Variants in CALCRL observed in about 807,000 individuals in gnomAD.
The protein encoded by CALCRL is calcitonin gene-related peptide type 1 receptor.
A neutral mutation model predicts 60.4 loss-of-function variants in CALCRL; 27 were observed. The observed-to-expected ratio is 0.45, with a 90% CI of 0.33 to 0.62. The LOEUF (loss-of-function observed/expected upper bound fraction) is 0.62, where lower values mean the gene tolerates loss of function less well. Among genes scored for constraint, CALCRL ranks in the 20% least tolerant of loss-of-function variants. The pLI is 0.03. For missense variants in CALCRL, 424 were observed against 540.7 expected, an observed-to-expected ratio of 0.78 and a Z score of 2.14; for synonymous variants, 190 against 182.6, an observed-to-expected ratio of 1.04 and a Z score of -0.33.
At chr2:187,392,027 TAATC>T (rs1457261167) in intron 1 of CALCRL, among the ~76,000 whole-genome samples, 2 of 152,116 alleles carry the variant, frequency 1.3e-5, no homozygotes, top group African/African-American at 4.8e-5. Context: ...CAATGTGACT[TAATC>T]AATATTTATA....
intron 7 of CALCRL, among the ~76,000 whole-genome samples, chr2:187,379,432 TTTA>T (rs1195396621): frequency 2.0e-5 from 3 of 152,126 alleles, no homozygotes; most frequent in Admixed American, 1.3e-4. Flanking sequence ...CAGATAAAGG[TTTA>T]TTTTCAAACT....
At chr2:187,380,397 A>G in intron 7 of CALCRL, 70 bp downstream of exon 7, 1 of 805,654 alleles carries the variant, frequency 1.2e-6, no homozygotes, top group Admixed American at 2.1e-5. Flanking sequence ...TTTCTTTAAT[A>G]CAGTATTGGA....
intron 4 of CALCRL, among the ~76,000 whole-genome samples, chr2:187,385,107 CAA>C (rs1688151611): frequency 6.6e-6 from 1 of 152,244 alleles, no homozygotes; most frequent in African/African-American, 2.4e-5. Flanking sequence ...TAATTTAAAA[CAA>C]AGTGTATGGT....
At position 187,346,344 on chromosome 2, in the gene CALCRL, C is replaced by G; in HGVS notation, c.1226G>C (p.Ser409Thr). 6.2e-7 allele frequency: 1 copy of G among 1,612,354 alleles called. No homozygotes were observed. The highest frequency in any genetic ancestry group is 8.5e-7 in the Non-Finnish European group (1 of 1,178,982). The change falls in exon 15 of 15, where the codon AGC becomes ACC. Residue 409 changes from serine to threonine, a missense_variant. Physicochemically the swap from Ser to Thr is moderately conservative, Grantham distance 58 (BLOSUM62 1). Coordinates refer to ENST00000392370, the MANE Select transcript of CALCRL (RefSeq NM_005795.6). ...WNQYKIQFGN[S>T]FSNSEALRSA... is the part of the protein sequence containing the mutation. ...ACGAAGAGCTTCTGAGTTGGAAAAGCTGTTTCCAAATTGGATTTTGTATTG... is the reference window on the plus strand; with the variant it reads ...ACGAAGAGCTTCTGAGTTGGAAAAGGTGTTTCCAAATTGGATTTTGTATTG...
intron 10 of CALCRL, among the ~76,000 whole-genome samples, chr2:187,359,706 A>G (rs1301168676): frequency 1.3e-5 from 2 of 152,140 alleles, no homozygotes; most frequent in African/African-American, 4.8e-5. Context: ...CTAGTAAGCC[A>G]TTATTTGAAG....
At chr2:187,368,248 C>T (rs1160929293) in intron 8 of CALCRL, among the ~76,000 whole-genome samples, 2 of 151,958 alleles carry the variant, frequency 1.3e-5, no homozygotes, top group Non-Finnish European at 2.9e-5. Context: ...TGTTTTTTAG[C>T]ATAATTATCA....
At chr2:187,372,459 A>G (rs918609790) in intron 8 of CALCRL, among the ~76,000 whole-genome samples, 3 of 151,102 alleles carry the variant, frequency 2.0e-5, no homozygotes, top group African/African-American at 7.3e-5. Flanking sequence ...CTTTCTTTTT[A>G]TCTCCTGCTC....
At chr2:187,359,403 A>T (rs1224640485) in intron 10 of CALCRL, 131 bp from the exon 11 acceptor site, 1 of 613,016 alleles carries the variant, frequency 1.6e-6, no homozygotes, top group African/African-American at 1.8e-5. Flanking sequence ...ATATTTGTTG[A>T]ATAAACATTA....
At chr2:187,406,164 A>T (rs769781720) in intron 1 of CALCRL, among the ~76,000 whole-genome samples, 2 of 147,192 alleles carry the variant, frequency 1.4e-5, no homozygotes, top group Admixed American at 7.0e-5. Flanking sequence ...AACCAACACA[A>T]AACAAACCAA....
intron 1 of CALCRL, among the ~76,000 whole-genome samples, chr2:187,412,219 T>C (rs1482952823): frequency 6.6e-6 from 1 of 152,120 alleles, no homozygotes; most frequent in Non-Finnish European, 1.5e-5. Flanking sequence ...TTCAGAAACA[T>C]TCTTACATTT....
intron 1 of CALCRL, among the ~76,000 whole-genome samples, chr2:187,444,440 T>C (rs912029958): frequency 6.6e-6 from 1 of 151,624 alleles, no homozygotes; most frequent in Non-Finnish European, 1.5e-5. Flanking sequence ...GTATAACACA[T>C]TTAATTTAAA....
In CALCRL at chr2:187,387,757, C is replaced by A. The variant is rs1574261441; in HGVS notation, c.-292-1G>T. The A allele has an allele frequency of 1.5e-5, 6 of 396,360 alleles. No individual in the cohort carries two copies. The Admixed American group carries it at 2.2e-4, about 15-fold the overall frequency. The allele number at this position is 396,360 out of a possible 1,614,324, so 24.6% of individuals were successfully genotyped here. ...ATTTCTTAAATTCAGGGGTCAAGAC[C>A]TGAAATATTGATGAATGTAATAATT... is the stretch of plus-strand genomic sequence containing the variant. On this transcript the variant is annotated splice_acceptor_variant, in intron 1 of 14. Transcript: ENST00000392370. LOFTEE classifies it low-confidence loss of function (5UTR_SPLICE).
At position 187,351,914 on chromosome 2, in the gene CALCRL, T is replaced by G; in HGVS notation, c.1170+6A>C. 1 of 1,539,178 alleles carries G rather than the reference T, an allele frequency of 6.5e-7. No individual in the cohort carries two copies. The highest frequency in any genetic ancestry group is 9.0e-7 in the Non-Finnish European group (1 of 1,116,018). The stretch of plus-strand genomic sequence containing the variant: ...ATAATAGAAGGAATAAAATCAATTA[T>G]CATACCTCTCCATTAAAGAAGCAGA... On this transcript the variant is annotated splice_donor_region_variant and intron_variant, in intron 14 of 14. Coordinates refer to ENST00000392370, the MANE Select transcript of CALCRL (RefSeq NM_005795.6).
intron 1 of CALCRL, among the ~76,000 whole-genome samples, chr2:187,426,798 A>G (rs943526818): frequency 1.3e-5 from 2 of 152,138 alleles, no homozygotes; most frequent in African/African-American, 4.8e-5. Flanking sequence ...AAAATTGATT[A>G]ATTCAAGAGT....
At chr2:187,348,344 T>C (rs566000189) in intron 14 of CALCRL, among the ~76,000 whole-genome samples, 1 of 151,804 alleles carries the variant, frequency 6.6e-6, no homozygotes, top group South Asian at 2.1e-4. Context: ...TATTTTTTGT[T>C]TCATAAACTT....
At chr2:187,386,873 T>G (rs1688227507) in intron 3 of CALCRL, among the ~76,000 whole-genome samples, 1 of 152,132 alleles carries the variant, frequency 6.6e-6, no homozygotes, top group Non-Finnish European at 1.5e-5. Context: ...CCGATGGATT[T>G]AAAAATGGGA....
At chr2:187,432,409 C>T (rs1449783998) in intron 1 of CALCRL, among the ~76,000 whole-genome samples, 1 of 151,996 alleles carries the variant, frequency 6.6e-6, no homozygotes, top group Non-Finnish European at 1.5e-5. Context: ...TGACCTTTTG[C>T]TTATGGAGCA....
At chr2:187,365,970 G>A (rs1387563167) in intron 8 of CALCRL, among the ~76,000 whole-genome samples, 3 of 152,120 alleles carry the variant, frequency 2.0e-5, no homozygotes, top group Admixed American at 6.5e-5. Context: ...TAGGCCGGGC[G>A]CGGTGGCTCA....
At chr2:187,361,956 C>T in intron 9 of CALCRL, among the ~76,000 whole-genome samples, 1 of 151,866 alleles carries the variant, frequency 6.6e-6, no homozygotes, top group African/African-American at 2.4e-5. Context: ...TTAAAGTTCA[C>T]TCAAAGGTGA....
Sources: gnomAD v4.1 joint callset for allele counts (sites outside exome capture counted in the v4.1 genomes callset) on GRCh38, gnomAD v4.1.1 for gene constraint, MANE v1.5 for transcripts, NCBI Gene and HGNC (gene_info 2026-07-23, HGNC 2026-07-21) for gene names.